AANAT: variants seen among roughly 807,000 people sequenced by gnomAD.
The protein encoded by AANAT is serotonin N-acetyltransferase.
AANAT carries 11 observed loss-of-function variants against 15.6 expected under a neutral mutation model. The ratio of observed to expected loss-of-function variants is 0.71; its 90% CI spans 0.44 to 1.17. The LOEUF is 1.17. AANAT is among the 50% of genes most tolerant of loss of function. The probability of loss-of-function intolerance (pLI) is 0.00; values close to 1 mark genes in which losing one functional copy is unlikely to be tolerated. For missense variants in AANAT, 286 were observed against 296.3 expected, an observed-to-expected ratio of 0.97 and a Z score of 0.26; for synonymous variants, 139 against 131.5, an observed-to-expected ratio of 1.06 and a Z score of -0.39.
At chr17:76,463,027 T>C (rs746198170), upstream of AANAT, among the ~76,000 whole-genome samples, 6 of 152,148 alleles carry the variant, frequency 3.9e-5, no homozygotes, top group South Asian at 1.2e-3. Context: ...TGTGTCTCCA[T>C]GCGGGAAGCT....
intron 2 of AANAT, among the ~76,000 whole-genome samples, chr17:76,461,164 TA>T (rs527608215): frequency 8.7e-5 from 12 of 138,362 alleles, no homozygotes; most frequent in Non-Finnish European, 1.6e-4. Flanking sequence ...GATTCCATCT[TA>T]AAAAAAAAAC....
At chr17:76,463,172 T>C (rs1476301776), upstream of AANAT, among the ~76,000 whole-genome samples, 1 of 152,138 alleles carries the variant, frequency 6.6e-6, no homozygotes, top group Admixed American at 6.5e-5. Flanking sequence ...TGGGGAGGTT[T>C]TCTCCAACCC....
intron 1 of AANAT, among the ~76,000 whole-genome samples, chr17:76,457,289 G>A (rs943077863): frequency 2.0e-5 from 3 of 152,056 alleles, no homozygotes; most frequent in African/African-American, 7.2e-5. Flanking sequence ...TGATCCACCC[G>A]CCTTGCCCTC....
intron 2 of AANAT, among the ~76,000 whole-genome samples, chr17:76,461,158 C>A (rs1208805269): frequency 2.0e-5 from 3 of 151,250 alleles, no homozygotes; most frequent in Admixed American, 2.0e-4. Flanking sequence ...GAGTGAGATT[C>A]CATCTTAAAA....
In AANAT at chr17:76,469,743, C is replaced by A; in HGVS notation, c.397C>A (p.Gln133Lys). Residue 133 changes from glutamine to lysine, a missense_variant, in exon 4 of 4, where the codon CAG (glutamine) becomes AAG (lysine). By Grantham distance (53) the Gln-to-Lys change is moderately conservative (BLOSUM62 1). Transcript: ENST00000392492. This position sits in a 1 kb window ranked among gnomAD's most constrained non-coding sequence, Gnocchi z 5.2. ...GGCCGTGCACCGCGCCTTCCGGCAGCAGGGCAGGGGCCCCATCCTGCTGTG... is the reference window on the plus strand; with the variant it reads ...GGCCGTGCACCGCGCCTTCCGGCAGAAGGGCAGGGGCCCCATCCTGCTGTG... Reference protein sequence around the residue: ...VLAVHRAFRQQGRGPILLWRY... With the variant: ...VLAVHRAFRQKGRGPILLWRY... 1.3e-6 allele frequency: 2 copies of A among 1,562,688 alleles called. No homozygotes were observed. The highest frequency in any genetic ancestry group is 1.2e-5 in the South Asian group (1 of 84,974).
chr17:76,466,572 T>C (rs1481698602), upstream of AANAT, among the ~76,000 whole-genome samples: 1 of 151,654 alleles, frequency 6.6e-6, no homozygotes, highest in Non-Finnish European at 1.5e-5. Context: ...AGGAGTCTCA[T>C]TGTGAGATGA....
rs113263038 is a variant in AANAT at position 76,469,017 on chromosome 17, A to G, written c.163+108A>G. 0.017 allele frequency: 24,522 copies of G among 1,484,954 alleles called. 248 individuals carry two copies. Among genetic ancestry groups the G allele is most frequent in the Non-Finnish European group, 0.02 (21,938 of 1,087,744 alleles). 92.0% of individuals were successfully genotyped at this position (1,484,954 alleles called of 1,614,324 possible). On this transcript the variant is annotated intron_variant, in intron 2 of 3. Transcript: ENST00000392492. This position sits in a 1 kb window ranked among gnomAD's most constrained non-coding sequence, Gnocchi z 5.2. ...CTTGGAGGCTGGGTCCCAGAGTATC[A>G]GACCATGTGTGCGCTCAAGAAAGTG...
intron 1 of AANAT, 104 bp from the exon 2 acceptor site, chr17:76,468,568 G>A (rs181149964): frequency 4.8e-6 from 5 of 1,034,122 alleles, no homozygotes; most frequent in African/African-American, 1.6e-5. Context: ...TTTAGGGGCT[G>A]TCTCCACCCC....
At chr17:76,462,915 T>C (rs1238995852), upstream of AANAT, among the ~76,000 whole-genome samples, 1 of 152,216 alleles carries the variant, frequency 6.6e-6, no homozygotes, top group Non-Finnish European at 1.5e-5. Flanking sequence ...CGTCAAGGTG[T>C]CCCTGGGACA....
At chr17:76,461,787 G>A (rs1052998324) in intron 2 of AANAT, among the ~76,000 whole-genome samples, 1 of 152,088 alleles carries the variant, frequency 6.6e-6, no homozygotes, top group Non-Finnish European at 1.5e-5. Context: ...GGCAGTCAGA[G>A]GCTGGGGGTG....
At chr17:76,466,202 G>A (rs2073436783), upstream of AANAT, 2 of 1,536,602 alleles carry the variant, frequency 1.3e-6, no homozygotes, top group African/African-American at 2.7e-5. Context: ...AGGGACAGAA[G>A]AGGCCTTTTG....
upstream of AANAT, chr17:76,465,935 G>C (rs906070384): frequency 6.4e-5 from 33 of 515,354 alleles, no homozygotes; most frequent in Non-Finnish European, 1.1e-4. Flanking sequence ...CTACAGCCTC[G>C]ACCTCTCCGG....
chr17:76,468,756 C>T lies in AANAT; in HGVS notation c.10C>T (p.Gln4Ter), dbSNP rs778653807. MST[Q>*]STHPLKPEAP... Reference sequence around the variant, plus strand: ...GGCACCAGTGGCCAGAATGTCCACGCAGAGCACCCACCCCCTGAAACCTGA... The same window carrying T: ...GGCACCAGTGGCCAGAATGTCCACGTAGAGCACCCACCCCCTGAAACCTGA... The change falls in exon 2 of 4, where the codon CAG becomes TAG. Residue 4 changes from glutamine (Q) to a stop codon, truncating the protein, a stop_gained. Transcript: ENST00000392492. LOFTEE classifies it high-confidence loss of function. The T allele has an allele frequency of 6.2e-6, 10 of 1,612,018 alleles. No homozygotes were observed. In the South Asian group the frequency reaches 6.6e-5, roughly 11 times the overall value.
upstream of AANAT, among the ~76,000 whole-genome samples, chr17:76,466,993 C>T (rs1305800877): frequency 1.3e-5 from 2 of 151,868 alleles, no homozygotes; most frequent in African/African-American, 2.4e-5. Context: ...CAGGTGCTGG[C>T]GAGAGAAGAG....
rs1265913707 is a variant in AANAT, at chr17:76,460,129, A to C, written c.-456+763A>C. ...CCAGCCTCAGTCACCTACTTCAGGA[A>C]ATTTTTTTTTTTTTTTTTTTTTTTT... On this transcript the variant is annotated intron_variant, in intron 2 of 6. Coordinates refer to the AANAT transcript ENST00000250615. Among the ~76,000 whole-genome samples, 4 of 82,926 alleles carry C rather than the reference A, an allele frequency of 4.8e-5. No homozygotes were observed. In the East Asian group the frequency reaches 2.3e-3, roughly 47 times the overall value. The allele number at this position is 82,926 out of a possible 152,430, so 54.4% of individuals were successfully genotyped here.
upstream of AANAT, among the ~76,000 whole-genome samples, chr17:76,466,976 G>A (rs1304098340): frequency 1.3e-5 from 2 of 152,132 alleles, no homozygotes; most frequent in East Asian, 1.9e-4. Context: ...TGGGTGGGGC[G>A]GAGAGGCAGG....
upstream of AANAT, among the ~76,000 whole-genome samples, chr17:76,466,637 T>G (rs2073440683): frequency 6.6e-6 from 1 of 152,230 alleles, no homozygotes; most frequent in Non-Finnish European, 1.5e-5. Flanking sequence ...GACCCGGCTT[T>G]GCCCCTCCCC....
At chr17:76,458,332 C>T (rs2073358049) in intron 1 of AANAT, among the ~76,000 whole-genome samples, 1 of 152,148 alleles carries the variant, frequency 6.6e-6, no homozygotes, top group Non-Finnish European at 1.5e-5. Flanking sequence ...CTTCCCAGAC[C>T]CTGAGCCCCC....
upstream of AANAT, among the ~76,000 whole-genome samples, chr17:76,465,531 C>A (rs1252695179): frequency 2.0e-5 from 3 of 151,716 alleles, no homozygotes; most frequent in African/African-American, 7.3e-5. Context: ...AGACAGGGGT[C>A]TTGCTATGTT....
Sources: allele counts gnomAD v4.1 joint callset (sites outside exome capture counted in the v4.1 genomes callset), GRCh38; gene constraint gnomAD v4.1.1; non-coding constraint Gnocchi (gnomAD v3.1); transcripts MANE v1.5; gene names NCBI Gene and HGNC (gene_info 2026-07-23, HGNC 2026-07-21).